The following LRMDA variants were observed in gnomAD, a reference collection of about 807,000 sequenced individuals.
LRMDA encodes the protein leucine rich melanocyte differentiation associated.
In LRMDA, 18 loss-of-function variants were observed where a neutral mutation model predicts 29.8. The observed-to-expected ratio is 0.60, with a 90% CI of 0.42 to 0.90. LRMDA has a LOEUF of 0.90. LRMDA is among the 40% of genes least tolerant of loss of function. The pLI is 0.00. For missense variants in LRMDA, 273 were observed against 273.9 expected, an observed-to-expected ratio of 1.00 and a Z score of 0.02; for synonymous variants, 125 against 109.4, an observed-to-expected ratio of 1.14 and a Z score of -0.89.
intron 2 of LRMDA, among the ~76,000 whole-genome samples, chr10:75,489,988 A>G (rs1055297810): frequency 2.0e-5 from 3 of 152,208 alleles, no homozygotes; most frequent in Admixed American, 2.0e-4. Context: ...TGATAGAGGC[A>G]GTAGTGGTGG....
chr10:76,237,503 T>C (rs1428780429), intron 5 of LRMDA, among the ~76,000 whole-genome samples: 2 of 152,202 alleles, frequency 1.3e-5, no homozygotes, highest in African/African-American at 4.8e-5. Context: ...TAAGGAAAAC[T>C]TAAAATACTG....
At chr10:75,483,863 A>G (rs1443930492) in intron 2 of LRMDA, among the ~76,000 whole-genome samples, 1 of 33,480 alleles carries the variant, frequency 3.0e-5, no homozygotes, top group Non-Finnish European at 7.2e-5. Context: ...GCTAGTATGG[A>G]GAGGTTTTTT....
intron 2 of LRMDA, among the ~76,000 whole-genome samples, chr10:75,790,480 A>G (rs1843546953): frequency 1.3e-5 from 2 of 152,196 alleles, no homozygotes; most frequent in African/African-American, 4.8e-5. Context: ...AGCTAAGAAC[A>G]TGACCCCAGG....
At chr10:75,961,203 A>G in intron 2 of LRMDA, among the ~76,000 whole-genome samples, 1 of 152,220 alleles carries the variant, frequency 6.6e-6, no homozygotes, top group East Asian at 1.9e-4. Context: ...CTGCAAATTA[A>G]AACACTCTTA....
intron 6 of LRMDA, among the ~76,000 whole-genome samples, chr10:76,444,346 G>A (rs1297485130): frequency 6.6e-6 from 1 of 152,154 alleles, no homozygotes; most frequent in African/African-American, 2.4e-5. Flanking sequence ...AGAGGAGGTG[G>A]TGTTCAATGG....
chr10:75,968,552 G>A (rs1846908133), intron 2 of LRMDA, among the ~76,000 whole-genome samples: 1 of 152,252 alleles, frequency 6.6e-6, no homozygotes, highest in East Asian at 1.9e-4. Flanking sequence ...AGCATTAGGG[G>A]CTTGCCGGAT....
chr10:75,469,985 A>G (rs1357827971), intron 2 of LRMDA, among the ~76,000 whole-genome samples: 1 of 152,012 alleles, frequency 6.6e-6, no homozygotes, highest in Non-Finnish European at 1.5e-5. Flanking sequence ...TCTAAGAACT[A>G]GTCTTTGGTG....
intron 6 of LRMDA, among the ~76,000 whole-genome samples, chr10:76,424,081 A>G (rs557362927): frequency 5.3e-5 from 8 of 152,316 alleles, no homozygotes; most frequent in African/African-American, 1.7e-4. Context: ...TTCTGCCATC[A>G]AAACTTTCCT....
intron 2 of LRMDA, among the ~76,000 whole-genome samples, chr10:75,768,864 G>T (rs1843202798): frequency 6.6e-6 from 1 of 152,158 alleles, no homozygotes; most frequent in South Asian, 2.1e-4. Flanking sequence ...AATGCTTTAG[G>T]ATTGTTTTTG....
chr10:76,557,680 G>C lies in LRMDA; in HGVS notation c.*392G>C. The C allele has an allele frequency of 4.7e-6, 1 of 210,704 alleles. No homozygotes were observed. Among genetic ancestry groups the C allele is most frequent in the Non-Finnish European group, 9.6e-6 (1 of 104,602 alleles). The allele number at this position is 210,704 out of a possible 1,614,324, so 13.1% of individuals were successfully genotyped here. On this transcript the variant is annotated 3_prime_UTR_variant, in exon 7 of 7. Transcript: ENST00000611255. ...TGGCTGCAGTCAAGTGAGAAAGACTGTCCTCAGCTCGCCTATTGAATTGAA... is the reference window on the plus strand; with the variant it reads ...TGGCTGCAGTCAAGTGAGAAAGACTCTCCTCAGCTCGCCTATTGAATTGAA...
At chr10:76,524,452 G>A (rs891803967) in intron 6 of LRMDA, among the ~76,000 whole-genome samples, 4 of 152,154 alleles carry the variant, frequency 2.6e-5, no homozygotes, top group Admixed American at 6.5e-5. Context: ...AACTTTAATG[G>A]TTATTAGTGA....
intron 2 of LRMDA, among the ~76,000 whole-genome samples, chr10:75,598,775 A>T (rs1046369919): frequency 6.6e-6 from 1 of 152,156 alleles, no homozygotes; most frequent in Non-Finnish European, 1.5e-5. Context: ...ACCTTTTGCT[A>T]AGAAGTTATG....
At chr10:76,035,918 G>T (rs1372007705) in intron 2 of LRMDA, 90 bp from the exon 3 acceptor site, 1 of 1,489,652 alleles carries the variant, frequency 6.7e-7, no homozygotes, top group Non-Finnish European at 9.0e-7. Context: ...TCCCAGTCCT[G>T]AAAGGGAAGG....
At chr10:75,609,865 A>C (rs1841005945) in intron 2 of LRMDA, among the ~76,000 whole-genome samples, 1 of 152,168 alleles carries the variant, frequency 6.6e-6, no homozygotes, top group African/African-American at 2.4e-5. Flanking sequence ...TAGTGAGAAG[A>C]AGAGGCTGTT....
chr10:76,086,943 T>A (rs972340122), intron 5 of LRMDA, among the ~76,000 whole-genome samples: 2 of 152,202 alleles, frequency 1.3e-5, no homozygotes, highest in Admixed American at 6.5e-5. Flanking sequence ...TGCTGAACTT[T>A]GAGGCCAGGG....
intron 6 of LRMDA, among the ~76,000 whole-genome samples, chr10:76,497,951 A>G (rs1842888226): frequency 1.3e-5 from 1 of 75,664 alleles, no homozygotes; most frequent in African/African-American, 3.2e-5. Flanking sequence ...CTCAGATGTC[A>G]TATCTCACAT....
chr10:76,049,787 T>TCATCCACAAAA (rs1398376955), intron 4 of LRMDA, among the ~76,000 whole-genome samples: 2 of 152,188 alleles, frequency 1.3e-5, no homozygotes, highest in African/African-American at 4.8e-5. Context: ...TCCTGGCCCT[T>TCATCCACAAAA]CATCCACAAA....
At chr10:76,529,564 A>G (rs920125900) in intron 6 of LRMDA, among the ~76,000 whole-genome samples, 1 of 152,142 alleles carries the variant, frequency 6.6e-6, no homozygotes, top group South Asian at 2.1e-4. Context: ...AAAAATGTAG[A>G]TGTCTAGGAT....
At chr10:76,324,589 C>T (rs1840812190) in intron 6 of LRMDA, 104 bp downstream of exon 6, 1 of 996,800 alleles carries the variant, frequency 1.0e-6, no homozygotes, top group African/African-American at 1.6e-5. Flanking sequence ...AGAAAGAACA[C>T]AGTGCTTTTT....
Sources: gnomAD v4.1 joint callset for allele counts (sites outside exome capture counted in the v4.1 genomes callset) on GRCh38, gnomAD v4.1.1 for gene constraint, MANE v1.5 for transcripts, NCBI Gene and HGNC (gene_info 2026-07-23, HGNC 2026-07-21) for gene names.